The following HSPA8 variants were observed in gnomAD, a reference collection of about 807,000 sequenced individuals.
The protein encoded by HSPA8 is heat shock protein family A (Hsp70) member 8.
HSPA8 carries 2 observed loss-of-function variants against 52.8 expected under a neutral mutation model. That is an observed-to-expected ratio of 0.04 (90% CI 0.02 to 0.12). The LOEUF is 0.12. HSPA8 is among the 10% of genes least tolerant of loss of function. The pLI, the probability that HSPA8 is intolerant of heterozygous loss-of-function variation, is 1.00. For missense variants in HSPA8, 349 were observed against 800.5 expected (o/e 0.44, Z 6.81); for synonymous variants, 436 against 274.0 (o/e 1.59, Z -5.84).
chr11:123,060,527 GC>G (rs200633761), intron 3 of HSPA8, 65 bp downstream of exon 3: 15 of 1,216,166 alleles, frequency 1.2e-5, no homozygotes, highest in Middle Eastern at 1.9e-4. Context: ...AGGTGCCAGT[GC>G]CCCCGGGAGT....
chr11:123,059,546 A>T lies in HSPA8; in HGVS notation c.1047T>A (p.Leu349=). Reference sequence around the variant, plus strand: ...CTTTTCCATTGAAGAAGTCTTGGAGAAGCTTCTGAATCTTGGGGATACGAG... The same window carrying T: ...CTTTTCCATTGAAGAAGTCTTGGAGTAGCTTCTGAATCTTGGGGATACGAG... The part of the protein sequence containing the change: ...GSTRIPKIQK[L]LQDFFNGKEL... Residue 349 remains leucine, a synonymous_variant, in exon 5 of 9, where the codon CTT becomes CTA. Transcript: ENST00000534624. 6.2e-7 allele frequency: 1 copy of T among 1,614,084 alleles called. No individual in the cohort carries two copies.
At chr11:123,058,164 C>G in intron 8 of HSPA8, 88 bp downstream of exon 8, 3 of 900,108 alleles carry the variant, frequency 3.3e-6, no homozygotes, top group African/African-American at 1.7e-5. Context: ...CATTGTGACC[C>G]TACACTGAAA....
chr11:123,058,895 C>A, intron 6 of HSPA8, 65 bp from the exon 7 acceptor site: 1 of 1,508,196 alleles, frequency 6.6e-7, no homozygotes. Flanking sequence ...TAGGGTCCTG[C>A]TAAGGAAGAA....
In HSPA8 at chr11:123,059,480, A is replaced by G. The variant is rs1461609794; in HGVS notation, c.1113T>C (p.Tyr371=). 22 of 1,613,084 alleles carry G rather than the reference A, an allele frequency of 1.4e-5. No homozygotes were observed. The Admixed American group carries it at 1.5e-4, about 11-fold the overall frequency. Residue 371 remains tyrosine, a synonymous_variant, in exon 5 of 9, where the codon TAT becomes TAC. Transcript: ENST00000534624. ...TTGAGATACCATTGTTACCTGCACC[A>G]TAAGCAACAGCTTCATCAGGGTTGA... is the stretch of plus-strand genomic sequence containing the variant. ...KSINPDEAVA[Y]GAAVQAAILS... is the part of the protein sequence containing the mutation.
rs996706922 is a variant in HSPA8, at chr11:123,059,051, A to C, written c.1323+8T>G. On this transcript the variant is annotated splice_region_variant and intron_variant, in intron 6 of 8. Coordinates refer to ENST00000534624, the MANE Select transcript of HSPA8 (RefSeq NM_006597.6). ...AGTAAGCCAAACAAGAGAAGTACAG[A>C]AACATACCTGAATAAGCACACCAGG... 6.8e-6 allele frequency: 11 copies of C among 1,610,790 alleles called. No individual in the cohort carries two copies. The highest frequency in any genetic ancestry group is 8.5e-6 in the Non-Finnish European group (10 of 1,177,440).
At chr11:123,058,207 C>T (rs1196585038) in intron 8 of HSPA8, 45 bp downstream of exon 8, 2 of 1,200,844 alleles carry the variant, frequency 1.7e-6, no homozygotes, top group African/African-American at 3.2e-5. Flanking sequence ...ATCCCCTTCC[C>T]CTCCATTGAG....
chr11:123,059,322 T>C, intron 5 of HSPA8, 61 bp from the exon 6 acceptor site: 1 of 1,469,242 alleles, frequency 6.8e-7, no homozygotes, highest in Non-Finnish European at 9.5e-7. Flanking sequence ...ATAGCTCCTG[T>C]TTTAACTATC....
rs768540563 is a variant in HSPA8, at chr11:123,057,890, T to C, written c.1785A>G (p.Gln595=). The C allele has an allele frequency of 1.1e-5, 18 of 1,610,384 alleles. No homozygotes were observed. The highest frequency in any genetic ancestry group is 1.4e-5 in the Non-Finnish European group (16 of 1,178,960). The change falls in exon 9 of 9, where the codon CAA becomes CAG. Residue 595 remains glutamine, a synonymous_variant. Transcript: ENST00000534624. ...QTAEKEEFEH[Q]QKELEKVCNP... ...TGCAAACTTTCTCCAGCTCTTTCTGTTGATGTTCAAATTCTTCCTTCTCAG... is the reference window on the plus strand; with the variant it reads ...TGCAAACTTTCTCCAGCTCTTTCTGCTGATGTTCAAATTCTTCCTTCTCAG...
rs1865463209 is a variant in HSPA8, at chr11:123,060,513, C to CGCCAGGTGCCAGTGCCCCCGGGA, written c.411+57_411+79dup. On this transcript the variant is annotated intron_variant, in intron 3 of 8. Transcript: ENST00000534624. ...CTGAGCCCCATCTGTTCCCCTCCCT[C>CGCCAGGTGCCAGTGCCCCCGGGA]GCCAGGTGCCAGTGCCCCCGGGAGT... The CGCCAGGTGCCAGTGCCCCCGGGA allele has an allele frequency of 4.4e-6, 5 of 1,127,752 alleles. No homozygotes were observed. In the East Asian group the frequency reaches 1.2e-4, roughly 26 times the overall value. The allele number at this position is 1,127,752 out of a possible 1,614,324, so 69.9% of individuals were successfully genotyped here.
At chr11:123,059,337 G>C (rs890561575) in intron 5 of HSPA8, 76 bp from the exon 6 acceptor site, 11 of 1,401,474 alleles carry the variant, frequency 7.8e-6, no homozygotes, top group Admixed American at 1.8e-5. Flanking sequence ...ACTATCACTC[G>C]CTCAGACATC....
Position 123,061,543 on chromosome 11 carries a change from C to G in HSPA8, c.-5-214G>C, listed in dbSNP as rs1865502599. 1.2e-5 allele frequency: 7 copies of G among 586,272 alleles called. No homozygotes were observed. In the South Asian group the frequency reaches 1.4e-4, roughly 12 times the overall value. 36.3% of individuals were successfully genotyped at this position (586,272 alleles called of 1,614,324 possible). On this transcript the variant is annotated intron_variant, in intron 1 of 8. Transcript: ENST00000534624. ...CAGAGCACGCCCTAGATGAAGGACC[C>G]ATCTACCCAGACGGCGTGGGGCGTT...
In HSPA8 at chr11:123,060,574, A is replaced by G. The variant is rs777873913; in HGVS notation, c.411+19T>C. 10 of 1,590,234 alleles carry G rather than the reference A, an allele frequency of 6.3e-6. No homozygotes were observed. In the South Asian group the frequency reaches 9.9e-5, roughly 16 times the overall value. ...TTAACTACTCCGGAATGCACCCCAT[A>G]CTGAAAAACCAACCTCACCTTCCCA... is the stretch of plus-strand genomic sequence containing the variant. On this transcript the variant is annotated intron_variant, in intron 3 of 8. Transcript: ENST00000534624.
chr11:123,059,323 T>G, intron 5 of HSPA8, 62 bp from the exon 6 acceptor site: 2 of 1,464,024 alleles, frequency 1.4e-6, no homozygotes, highest in Non-Finnish European at 1.9e-6. Context: ...TAGCTCCTGT[T>G]TTAACTATCA....
intron 3 of HSPA8, 116 bp from the exon 4 acceptor site, chr11:123,060,384 G>C: frequency 9.5e-7 from 1 of 1,047,388 alleles, no homozygotes; most frequent in Non-Finnish European, 1.4e-6. Flanking sequence ...CCACCAAAAT[G>C]TAAATTACTG....
Position 123,060,813 on chromosome 11 carries a change from A to C in HSPA8, c.206-15T>G. Reference sequence around the variant, plus strand: ...ACGTTTGGCATCTGTAAAAGGTGTCAAATGAAAACACTTTCAATTTCATAG... The same window carrying C: ...ACGTTTGGCATCTGTAAAAGGTGTCCAATGAAAACACTTTCAATTTCATAG... On this transcript the variant is annotated splice_polypyrimidine_tract_variant and intron_variant, in intron 2 of 8. Transcript: ENST00000534624. 1 of 1,596,922 alleles carries C rather than the reference A, an allele frequency of 6.3e-7. No individual in the cohort carries two copies. The highest frequency in any genetic ancestry group is 8.5e-7 in the Non-Finnish European group (1 of 1,172,982).
rs1340222771 is a variant in HSPA8 at position 123,062,114 on chromosome 11, G to GAGCT, written c.-60_-57dup. The GAGCT allele has an allele frequency of 6.5e-6, 1 of 152,866 alleles. No homozygotes were observed. The highest frequency in any genetic ancestry group is 2.4e-5 in the African/African-American group (1 of 41,426). 9.5% of individuals were successfully genotyped at this position (152,866 alleles called of 1,614,324 possible). A position where few individuals can be genotyped will look rare whatever the true frequency, so the allele number is the denominator to read the frequency against. ...ACGAAGGAAGCCACAAAAAACCCAA[G>GAGCT]AGCTGCAGGCGAGTTCAATGAGACC... On this transcript the variant is annotated 5_prime_UTR_variant, in exon 1 of 9. Transcript: ENST00000534624.
At position 123,057,840 on chromosome 11, in the gene HSPA8, T is replaced by G; in HGVS notation, c.1835A>C (p.Gln612Pro). The G allele has an allele frequency of 6.2e-7, 1 of 1,613,754 alleles. No homozygotes were observed. Among genetic ancestry groups the G allele is most frequent in the Non-Finnish European group, 8.5e-7 (1 of 1,179,744 alleles). Residue 612 changes from glutamine to proline, a missense_variant, in exon 9 of 9, where the codon CAG (glutamine) becomes CCG (proline). Transcript: ENST00000534624. ...TCCTCCTGGCATGCCTCCTGCACTCTGGTACAGCTTGGTGATGATGGGGTT... is the reference window on the plus strand; with the variant it reads ...TCCTCCTGGCATGCCTCCTGCACTCGGGTACAGCTTGGTGATGATGGGGTT... ...VCNPIITKLYQSAGGMPGGMP... is the reference protein window; with the variant it reads ...VCNPIITKLYPSAGGMPGGMP...
Position 123,057,793 on chromosome 11 carries a change from C to T in HSPA8, c.1882G>A (p.Gly628Ser), listed in dbSNP as rs764872570. 1.2e-6 allele frequency: 2 copies of T among 1,613,844 alleles called. No homozygotes were observed. The highest frequency in any genetic ancestry group is 1.7e-6 in the Non-Finnish European group (2 of 1,179,816). Reference protein sequence around the residue: ...PGGMPGGFPGGGAPPSGGASS... With the variant: ...PGGMPGGFPGSGAPPSGGASS... ...GCACCACCAGAGGGAGGAGCTCCAC[C>T]ACCAGGAAATCCCCCAGGCATTCCT... The change falls in exon 9 of 9, where the codon GGT becomes AGT. Residue 628 changes from glycine to serine, a missense_variant. Transcript: ENST00000534624.
chr11:123,060,255 G>A lies in HSPA8; in HGVS notation c.425C>T (p.Ala142Val), dbSNP rs755052827. The A allele has an allele frequency of 1.2e-6, 2 of 1,613,568 alleles. No homozygotes were observed. Among genetic ancestry groups the A allele is most frequent in the Non-Finnish European group, 1.7e-6 (2 of 1,179,888 alleles). The change falls in exon 4 of 9, where the codon GCT (alanine) becomes GTT (valine). Residue 142 changes from alanine (A) to valine (V), a missense_variant. Coordinates refer to ENST00000534624, the MANE Select transcript of HSPA8 (RefSeq NM_006597.6). ...EAYLGKTVTNAVVTVPAYFND... is the reference protein window; with the variant it reads ...EAYLGKTVTNVVVTVPAYFND... Reference sequence around the variant, plus strand: ...AAAGTAAGCTGGCACTGTGACCACAGCATTGGTAACAGTCTAGGAATAAGG... The same window carrying A: ...AAAGTAAGCTGGCACTGTGACCACAACATTGGTAACAGTCTAGGAATAAGG...
Sources: gnomAD v4.1 joint callset for allele counts on GRCh38, gnomAD v4.1.1 for gene constraint, MANE v1.5 for transcripts, NCBI Gene and HGNC (gene_info 2026-07-23, HGNC 2026-07-21) for gene names.